The following SCEL variants were observed in gnomAD, a reference collection of about 807,000 sequenced individuals.
The protein encoded by SCEL is sciellin.
Under a neutral mutation model 117.6 loss-of-function variants are expected in SCEL, and 113 were observed. The ratio of observed to expected loss-of-function variants is 0.96; its 90% CI spans 0.83 to 1.12. SCEL has a LOEUF of 1.12. SCEL is among the 50% of genes most tolerant of loss of function. The pLI is 0.00. For synonymous variants in SCEL, 270 were observed against 256.2 expected (o/e 1.05, Z -0.51); for missense variants, 785 against 810.8 (o/e 0.97, Z 0.39).
chr13:77,579,440 T>C (rs560101309), intron 9 of SCEL, among the ~76,000 whole-genome samples: 58 of 152,348 alleles, frequency 3.8e-4, no homozygotes, highest in African/African-American at 1.2e-3. Context: ...ATCTTATTTG[T>C]CTTTTTGTAG....
At chr13:77,593,287 T>C (rs1257889195) in intron 11 of SCEL, among the ~76,000 whole-genome samples, 7 of 113,350 alleles carry the variant, frequency 6.2e-5, no homozygotes, top group Non-Finnish European at 9.0e-5. Flanking sequence ...TGTGTGTGTG[T>C]GTGTGTGTGT....
At chr13:77,577,735 G>T (rs1567372409) in intron 9 of SCEL, among the ~76,000 whole-genome samples, 1 of 152,162 alleles carries the variant, frequency 6.6e-6, no homozygotes, top group East Asian at 1.9e-4. Context: ...GGGATGGTGG[G>T]AGTGGTAGCA....
At chr13:77,609,284 T>C (rs1389710217) in intron 21 of SCEL, among the ~76,000 whole-genome samples, 167 bp downstream of exon 21, 1 of 152,228 alleles carries the variant, frequency 6.6e-6, no homozygotes, top group African/African-American at 2.4e-5. Context: ...TCAACCAATT[T>C]CTGATACAAT....
At chr13:77,536,037 G>T (rs897398729) in intron 1 of SCEL, among the ~76,000 whole-genome samples, 2 of 151,814 alleles carry the variant, frequency 1.3e-5, no homozygotes, top group African/African-American at 4.8e-5. Flanking sequence ...AATTTTACAC[G>T]TTATGGGCAT....
rs371585216 is a variant in SCEL at position 77,599,315 on chromosome 13, C to T, written c.798-14C>T. 6.3e-7 allele frequency: 1 copy of T among 1,591,618 alleles called. No homozygotes were observed. Among genetic ancestry groups the T allele is most frequent in the Admixed American group, 1.7e-5 (1 of 58,112 alleles). The stretch of plus-strand genomic sequence containing the variant: ...TATCACTGATGAGGCTTTTTTAAAT[C>T]AATACATTTAAAGGAATCAAGGTCT... On this transcript the variant is annotated splice_polypyrimidine_tract_variant and intron_variant, in intron 13 of 32. Coordinates refer to ENST00000349847, the MANE Select transcript of SCEL (RefSeq NM_144777.3).
At chr13:77,610,140 T>C (rs527248540) in intron 22 of SCEL, 34 bp downstream of exon 22, 459 of 1,408,286 alleles carry the variant, frequency 3.3e-4, no homozygotes, top group Middle Eastern at 1.5e-3. Context: ...TTCTCCCCCC[T>C]TTTTTTTTCC....
At position 77,568,295 on chromosome 13, in the gene SCEL, G is replaced by A. The variant is rs748213221; in HGVS notation, c.360G>A (p.Arg120=). 1.3e-6 allele frequency: 2 copies of A among 1,560,344 alleles called. No individual in the cohort carries two copies. Among genetic ancestry groups the A allele is most frequent in the Admixed American group, 3.4e-5 (2 of 58,178 alleles). The change falls in exon 7 of 33, where the codon AGG becomes AGA. Residue 120 remains arginine, a splice_region_variant and synonymous_variant. Coordinates refer to ENST00000349847, the MANE Select transcript of SCEL (RefSeq NM_144777.3). ...CTTTGCTTTCTTTCTCTCTTACCAG[G>A]AGCATGTCCATGTTTAGATCACTGG... ...ANTLDNQLTN[R]SMSMFRSLEV... is the part of the protein sequence containing the mutation.
In SCEL at chr13:77,603,001, T is replaced by C; in HGVS notation, c.1038-75T>C. The C allele has an allele frequency of 3.6e-6, 3 of 831,902 alleles. No individual in the cohort carries two copies. In the Admixed American group the frequency reaches 8.1e-5, roughly 22 times the overall value. 51.5% of individuals were successfully genotyped at this position (831,902 alleles called of 1,614,324 possible). A position where few individuals can be genotyped will look rare whatever the true frequency, so the allele number is the denominator to read the frequency against. On this transcript the variant is annotated intron_variant, in intron 17 of 32. Coordinates refer to ENST00000349847, the MANE Select transcript of SCEL (RefSeq NM_144777.3). ...TTTCTCCAAAAGCTTGAATTAATCATTGGGAATACAGAAGATGTATGTGTC... is the reference window on the plus strand; with the variant it reads ...TTTCTCCAAAAGCTTGAATTAATCACTGGGAATACAGAAGATGTATGTGTC...
chr13:77,575,098 C>T (rs1434292754), intron 9 of SCEL, among the ~76,000 whole-genome samples: 1 of 152,146 alleles, frequency 6.6e-6, no homozygotes, highest in Non-Finnish European at 1.5e-5. Context: ...TCTCTGTAGC[C>T]CTTAACACCA....
chr13:77,575,258 T>G (rs2154398098), intron 9 of SCEL, among the ~76,000 whole-genome samples: 1 of 152,326 alleles, frequency 6.6e-6, no homozygotes, highest in African/African-American at 2.4e-5. Flanking sequence ...TTAAACTTTT[T>G]TTTTTTATCA....
At chr13:77,633,202 C>T (rs929425896) in intron 28 of SCEL, among the ~76,000 whole-genome samples, 1 of 148,614 alleles carries the variant, frequency 6.7e-6, no homozygotes, top group Non-Finnish European at 1.5e-5. Context: ...TTTGGGAGGC[C>T]GAGGCGGGTG....
At chr13:77,555,571 A>G (rs1272815614) in intron 1 of SCEL, among the ~76,000 whole-genome samples, 1 of 152,210 alleles carries the variant, frequency 6.6e-6, no homozygotes, top group Admixed American at 6.5e-5. Flanking sequence ...ATGCGTAATT[A>G]TTGATTGAAT....
At chr13:77,606,311 C>CTG (rs2088182636) in intron 19 of SCEL, among the ~76,000 whole-genome samples, 1 of 152,022 alleles carries the variant, frequency 6.6e-6, no homozygotes, top group South Asian at 2.1e-4. Context: ...GTGTATGTAC[C>CTG]TGTGTGTGTG....
Position 77,627,980 on chromosome 13 carries a change from T to A in SCEL, c.1662T>A (p.Asn554Lys). The A allele has an allele frequency of 6.6e-7, 1 of 1,509,022 alleles. No homozygotes were observed. Among genetic ancestry groups the A allele is most frequent in the Non-Finnish European group, 9.0e-7 (1 of 1,111,362 alleles). 93.5% of individuals were successfully genotyped at this position (1,509,022 alleles called of 1,614,324 possible). A position where few individuals can be genotyped will look rare whatever the true frequency, so the allele number is the denominator to read the frequency against. ...DQNLENLIEVNSHVSENKNGS... is the reference protein window; with the variant it reads ...DQNLENLIEVKSHVSENKNGS... ...ACCTGGAAAATTTAATTGAAGTAAA[T>A]TCTCATGTGTCTGAAAACAAGAATG... The change falls in exon 28 of 33, where the codon AAT (asparagine) becomes AAA (lysine). Residue 554 changes from asparagine to lysine, a missense_variant. Coordinates refer to ENST00000349847, the MANE Select transcript of SCEL (RefSeq NM_144777.3).
chr13:77,595,066 G>A (rs1483791754), intron 12 of SCEL, among the ~76,000 whole-genome samples: 2 of 152,266 alleles, frequency 1.3e-5, no homozygotes, highest in Non-Finnish European at 2.9e-5. Flanking sequence ...GTGGGTGATC[G>A]GGATATCTGA....
intron 1 of SCEL, among the ~76,000 whole-genome samples, chr13:77,547,634 C>T (rs1368312865): frequency 6.6e-6 from 1 of 152,168 alleles, no homozygotes; most frequent in Non-Finnish European, 1.5e-5. Context: ...TCAGAAATTC[C>T]TGCAAAGAGC....
intron 19 of SCEL, among the ~76,000 whole-genome samples, chr13:77,604,645 G>T (rs981358907): frequency 1.1e-4 from 16 of 151,922 alleles, no homozygotes; most frequent in African/African-American, 3.9e-4. Context: ...AAATTAAATG[G>T]GAATTTGGGC....
At chr13:77,571,335 C>T (rs1404747855) in intron 8 of SCEL, among the ~76,000 whole-genome samples, 1 of 144,694 alleles carries the variant, frequency 6.9e-6, no homozygotes, top group East Asian at 2.0e-4. Context: ...GAGCCGAGAT[C>T]GCGCCACTGC....
intron 18 of SCEL, 103 bp from the exon 19 acceptor site, chr13:77,604,253 G>A (rs1273277014): frequency 1.5e-6 from 1 of 669,942 alleles, no homozygotes. Context: ...CATTGATATA[G>A]AAAACTTGTA....
Sources: gnomAD v4.1 joint callset for allele counts (sites outside exome capture counted in the v4.1 genomes callset) on GRCh38, gnomAD v4.1.1 for gene constraint, MANE v1.5 for transcripts, NCBI Gene and HGNC (gene_info 2026-07-23, HGNC 2026-07-21) for gene names.